Variants in FBXO43 observed in about 807,000 individuals in gnomAD.
FBXO43 encodes the protein F-box protein 43, also known as F-box only protein 43.
Under a neutral mutation model 56.7 loss-of-function variants are expected in FBXO43, and 22 were observed. That is an observed-to-expected ratio of 0.39 (90% CI 0.28 to 0.55). FBXO43 has a LOEUF of 0.55. Among genes scored for constraint, FBXO43 ranks in the 20% least tolerant of loss-of-function variants. The pLI is 0.66. For missense variants in FBXO43, 733 were observed against 814.9 expected, an observed-to-expected ratio of 0.90 and a Z score of 1.22; for synonymous variants, 306 against 294.5, an observed-to-expected ratio of 1.04 and a Z score of -0.40.
chr8:100,140,377 G>A (rs1375871343), intron 2 of FBXO43, among the ~76,000 whole-genome samples: 1 of 152,212 alleles, frequency 6.6e-6, no homozygotes, highest in Non-Finnish European at 1.5e-5. Context: ...GGCTGAGGCA[G>A]GAGAATGGCG....
Position 100,141,418 on chromosome 8 carries a change from C to G in FBXO43, c.836G>C (p.Cys279Ser). The change falls in exon 2 of 5, where the codon TGT (cysteine) becomes TCT (serine). Residue 279 changes from cysteine to serine, a missense_variant. Cys to Ser is a moderately radical substitution (Grantham distance 112). Transcript: ENST00000428847. ...SSLCINDENA[C>S]PELLGSSVSG... ...AACAGAGGAGCCCAGGAGCTCTGGA[C>G]ATGCATTCTCATCATTAATGCATAA... 1 of 1,613,548 alleles carries G rather than the reference C, an allele frequency of 6.2e-7. No homozygotes were observed. Among genetic ancestry groups the G allele is most frequent in the Non-Finnish European group, 8.5e-7 (1 of 1,179,960 alleles).
At chr8:100,142,606 A>G (rs1257032234) in intron 1 of FBXO43, among the ~76,000 whole-genome samples, 1 of 92,844 alleles carries the variant, frequency 1.1e-5, no homozygotes, top group Non-Finnish European at 2.2e-5. Context: ...CTTTTTAAAC[A>G]CCTTGGGAAT....
In FBXO43 at chr8:100,134,034, A is replaced by G. The variant is rs542547428; in HGVS notation, c.1895T>C (p.Phe632Ser). Residue 632 changes from phenylalanine to serine, a missense_variant, in exon 5 of 5, where the codon TTT becomes TCT. Transcript: ENST00000428847. ...GCAAGGTTTTAATGCTTCATCAGTA[A>G]AAAGTGTTTTGGCAACCTGCAGTGA... The part of the protein sequence containing the change: ...EEYVKVAKTL[F>S]TDEALKPCPR... The G allele has an allele frequency of 1.8e-5, 29 of 1,613,830 alleles. No individual in the cohort carries two copies. The highest frequency in any genetic ancestry group is 2.5e-5 in the Non-Finnish European group (29 of 1,179,782).
Position 100,134,062 on chromosome 8 carries a change from G to A in FBXO43, c.1879-12C>T. 1.2e-6 allele frequency: 2 copies of A among 1,612,596 alleles called. No individual in the cohort carries two copies. Among genetic ancestry groups the A allele is most frequent in the Non-Finnish European group, 1.7e-6 (2 of 1,178,938 alleles). On this transcript the variant is annotated splice_polypyrimidine_tract_variant and intron_variant, in intron 4 of 4. Transcript: ENST00000428847. ...AGTGTTTTGGCAACCTGCAGTGAAA[G>A]CACACACACTAAATCTTCTGGTTTC...
chr8:100,150,510 TAGAC>T (rs1170369320), upstream of FBXO43: 2 of 152,250 alleles, frequency 1.3e-5, no homozygotes, highest in Admixed American at 1.3e-4. Flanking sequence ...TAGAATCTAA[TAGAC>T]AGAAAGCCCC....
Position 100,133,666 on chromosome 8 carries a change from T to C in FBXO43, c.*136A>G. ...ACTTTAAAGAAAACATACAATGACA[T>C]CGATTATAATATATACAAAATAGGA... On this transcript the variant is annotated 3_prime_UTR_variant, in exon 5 of 5. Coordinates refer to ENST00000428847, the MANE Select transcript of FBXO43 (RefSeq NM_001029860.4). 2.0e-6 allele frequency: 2 copies of C among 994,256 alleles called. No homozygotes were observed. Among genetic ancestry groups the C allele is most frequent in the Non-Finnish European group, 1.4e-6 (1 of 714,442 alleles). The allele number at this position is 994,256 out of a possible 1,614,324, so 61.6% of individuals were successfully genotyped here.
At chr8:100,146,149 A>G (rs556889119), upstream of FBXO43, among the ~76,000 whole-genome samples, 48 of 152,364 alleles carry the variant, frequency 3.2e-4, no homozygotes, top group African/African-American at 1.2e-3. Flanking sequence ...CAAGTTACAA[A>G]CTGACCCCTT....
chr8:100,138,674 C>T (rs1814547824), intron 2 of FBXO43, among the ~76,000 whole-genome samples: 2 of 152,174 alleles, frequency 1.3e-5, no homozygotes, highest in African/African-American at 4.8e-5. Flanking sequence ...ATCAACTGCT[C>T]ACATAAGCAA....
In FBXO43 at chr8:100,140,668, ACT is replaced by A; in HGVS notation, c.1571+13_1571+14del. The A allele has an allele frequency of 6.5e-7, 1 of 1,537,050 alleles. No individual in the cohort carries two copies. The highest frequency in any genetic ancestry group is 1.8e-4 in the Middle Eastern group (1 of 5,576). On this transcript the variant is annotated intron_variant, in intron 2 of 4. Coordinates refer to ENST00000428847, the MANE Select transcript of FBXO43 (RefSeq NM_001029860.4). ...AAAAAGAAGTTTTATTTCATAAACA[ACT>A]CTTACTTCTTACCTGCATAGGCTCT...
At chr8:100,140,171 G>C (rs958846456) in intron 2 of FBXO43, among the ~76,000 whole-genome samples, 2 of 152,170 alleles carry the variant, frequency 1.3e-5, no homozygotes, top group African/African-American at 2.4e-5. Flanking sequence ...ACTTAAGCAG[G>C]CTTTTAAACA....
Position 100,134,346 on chromosome 8 carries a change from C to T in FBXO43, c.1693G>A (p.Glu565Lys), listed in dbSNP as rs777339342. The change falls in exon 4 of 5, where the codon GAG becomes AAG. Residue 565 changes from glutamate to lysine, a missense_variant. By Grantham distance (56) the Glu-to-Lys change is moderately conservative. Transcript: ENST00000428847. ...AGCTGGAGCCGAGTGGCAGCATCCT[C>T]GACATTTAATACAGCCCCCTGTGGT... Reference protein sequence around the residue: ...TDSEGAVLNVEDAATRLQLLN... With the variant: ...TDSEGAVLNVKDAATRLQLLN... 27 of 1,613,354 alleles carry T rather than the reference C, an allele frequency of 1.7e-5. 1 individual carries two copies. The East Asian group carries it at 2.9e-4, about 17-fold the overall frequency.
chr8:100,140,476 AAAAAC>A (rs529553021), intron 2 of FBXO43, among the ~76,000 whole-genome samples: 55 of 152,018 alleles, frequency 3.6e-4, no homozygotes, highest in Middle Eastern at 6.8e-3. Context: ...GCTCAAAGAA[AAAAAC>A]AAAACAAAAC....
chr8:100,134,937 C>G (rs979159275), intron 3 of FBXO43, among the ~76,000 whole-genome samples: 2 of 151,986 alleles, frequency 1.3e-5, no homozygotes, highest in Non-Finnish European at 2.9e-5. Flanking sequence ...GGTAGAATAC[C>G]TGATTTGTTT....
chr8:100,137,575 G>A lies in FBXO43; in HGVS notation c.1664C>T (p.Thr555Ile), dbSNP rs1490152234. The change falls in exon 3 of 5, where the codon ACA becomes ATA. Residue 555 changes from threonine to isoleucine, a missense_variant. Coordinates refer to ENST00000428847, the MANE Select transcript of FBXO43 (RefSeq NM_001029860.4). ...TATTACATACATTACCTCAGAATCT[G>A]TTTTCAGTTGTGTGATATAAAATTT... ...RRKFYITQLK[T>I]DSEGAVLNVE... 1 of 1,604,010 alleles carries A rather than the reference G, an allele frequency of 6.2e-7. No homozygotes were observed. The highest frequency in any genetic ancestry group is 8.5e-7 in the Non-Finnish European group (1 of 1,171,838).
In FBXO43 at chr8:100,133,707, G is replaced by A. The variant is rs1351495994; in HGVS notation, c.*95C>T. 2 of 1,249,656 alleles carry A rather than the reference G, an allele frequency of 1.6e-6. No individual in the cohort carries two copies. 77.4% of individuals were successfully genotyped at this position (1,249,656 alleles called of 1,614,324 possible). Reference sequence around the variant, plus strand: ...CAAAATAGGAAATTAATCATCACCTGTCATTAATGGGAAGATTTGCATGTA... The same window carrying A: ...CAAAATAGGAAATTAATCATCACCTATCATTAATGGGAAGATTTGCATGTA... On this transcript the variant is annotated 3_prime_UTR_variant, in exon 5 of 5. Coordinates refer to ENST00000428847, the MANE Select transcript of FBXO43 (RefSeq NM_001029860.4).
At chr8:100,143,593 T>C (rs1292969653) in intron 1 of FBXO43, among the ~76,000 whole-genome samples, 2 of 152,212 alleles carry the variant, frequency 1.3e-5, no homozygotes, top group Non-Finnish European at 2.9e-5. Flanking sequence ...ATTTATCAAA[T>C]TGCTTTTTAT....
chr8:100,136,074 G>GT (rs1485298963), intron 3 of FBXO43, among the ~76,000 whole-genome samples: 1 of 152,024 alleles, frequency 6.6e-6, no homozygotes, highest in Admixed American at 6.6e-5. Flanking sequence ...TTAAACAACT[G>GT]TTTTTTAAGT....
intron 3 of FBXO43, among the ~76,000 whole-genome samples, chr8:100,135,411 T>A (rs2446918): frequency 0.43 from 65,607 of 151,932 alleles, 14,942 homozygotes; most frequent in East Asian, 0.61. Flanking sequence ...TCTTGATGGA[T>A]CAAGAATCAA....
intron 1 of FBXO43, among the ~76,000 whole-genome samples, chr8:100,144,664 G>A (rs1260305752): frequency 2.0e-5 from 3 of 150,892 alleles, no homozygotes; most frequent in Non-Finnish European, 4.4e-5. Context: ...GGGCGCGGTG[G>A]CTCACGCCCG....
Sources: allele counts gnomAD v4.1 joint callset (sites outside exome capture counted in the v4.1 genomes callset), GRCh38; gene constraint gnomAD v4.1.1; transcripts MANE v1.5; gene names NCBI Gene and HGNC (gene_info 2026-07-23, HGNC 2026-07-21).